FSTL4: variants seen among roughly 807,000 people sequenced by gnomAD.
FSTL4 encodes follistatin-related protein 4.
A neutral mutation model predicts 78.2 loss-of-function variants in FSTL4; 28 were observed. The ratio of observed to expected loss-of-function variants is 0.36; its 90% CI spans 0.27 to 0.49. The LOEUF is 0.49. FSTL4 is among the 20% of genes least tolerant of loss of function. The pLI, the probability that FSTL4 is intolerant of heterozygous loss-of-function variation, is 0.98. For missense variants in FSTL4, 922 were observed against 1,084.9 expected, an observed-to-expected ratio of 0.85 and a Z score of 2.11; for synonymous variants, 422 against 440.5, an observed-to-expected ratio of 0.96 and a Z score of 0.53.
the FSTL4 span, among the ~76,000 whole-genome samples, chr5:133,752,899 G>C: frequency 6.6e-6 from 1 of 152,032 alleles, no homozygotes; most frequent in South Asian, 2.1e-4. Context: ...ATTTTCTTGC[G>C]CTCTGAGCCC....
chr5:133,569,669 T>A (rs1476064577), intron 2 of FSTL4, among the ~76,000 whole-genome samples: 1 of 152,220 alleles, frequency 6.6e-6, no homozygotes, highest in Non-Finnish European at 1.5e-5. Context: ...CTCTGGCATT[T>A]AAGGAGATAA....
intron 11 of FSTL4, among the ~76,000 whole-genome samples, chr5:133,223,857 A>C (rs1360269430): frequency 1.3e-5 from 2 of 152,200 alleles, no homozygotes; most frequent in African/African-American, 2.4e-5. Flanking sequence ...AAAACCACAC[A>C]AGATAGGCAA....
In FSTL4 at chr5:133,603,893, C is replaced by T. The variant is rs1409501536; in HGVS notation, c.91G>A (p.Gly31Ser). 5 of 1,614,182 alleles carry T rather than the reference C, an allele frequency of 3.1e-6. No homozygotes were observed. The highest frequency in any genetic ancestry group is 4.2e-6 in the Non-Finnish European group (5 of 1,180,002). ...LGWMDPGTSR[G>S]PDVGVGESQA... ...GACTCCCCCACACCCACATCCGGGCCTCTGCTGGTTCCTGGGTCCATCCAT... is the reference window on the plus strand; with the variant it reads ...GACTCCCCCACACCCACATCCGGGCTTCTGCTGGTTCCTGGGTCCATCCAT... The change falls in exon 2 of 16, where the codon GGC (glycine) becomes AGC (serine). Residue 31 changes from glycine to serine, a missense_variant. Gly to Ser is a moderately conservative substitution (Grantham distance 56). Transcript: ENST00000265342.
At position 133,227,711 on chromosome 5, in the gene FSTL4, G is replaced by A. The variant is rs577075979; in HGVS notation, c.1016-1892C>T. ...CTTAAAGAAAGAAGAAGAATCAATG[G>A]AGACAGAAGCATAAATGAATGAATC... On this transcript the variant is annotated intron_variant, in intron 8 of 15. Transcript: ENST00000265342. Among the ~76,000 whole-genome samples the A allele has an allele frequency of 1.9e-3, 291 of 152,238 alleles. 2 individuals are homozygous for A. Among genetic ancestry groups the A allele is most frequent in the African/African-American group, 6.4e-3 (267 of 41,542 alleles).
intron 3 of FSTL4, chr5:133,427,529 C>T (rs1756846173): frequency 2.1e-6 from 1 of 469,426 alleles, no homozygotes; most frequent in Non-Finnish European, 4.6e-6. Flanking sequence ...CTACACAACA[C>T]AGGCGGCTCT....
chr5:133,647,705 T>C, the FSTL4 span, among the ~76,000 whole-genome samples: 1 of 152,226 alleles, frequency 6.6e-6, no homozygotes, highest in East Asian at 1.9e-4. Flanking sequence ...AGAAATCCAT[T>C]CACTGTAGTC....
chr5:133,517,070 C>T (rs1056355585), intron 3 of FSTL4, among the ~76,000 whole-genome samples: 18 of 142,860 alleles, frequency 1.3e-4, no homozygotes, highest in Middle Eastern at 3.4e-3. Flanking sequence ...GAGTGAGACC[C>T]TGTCTCAAAA....
chr5:133,245,618 C>T (rs1290664377), intron 7 of FSTL4, among the ~76,000 whole-genome samples: 2 of 152,220 alleles, frequency 1.3e-5, no homozygotes, highest in Admixed American at 6.5e-5. Context: ...CTGGAGGCTG[C>T]GGACAGTGTC....
chr5:133,520,711 TC>T (rs1282770793), intron 3 of FSTL4, among the ~76,000 whole-genome samples: 1 of 152,118 alleles, frequency 6.6e-6, no homozygotes, highest in Non-Finnish European at 1.5e-5. Context: ...ACATATATCA[TC>T]CAGACACAGG....
the FSTL4 span, among the ~76,000 whole-genome samples, chr5:133,835,964 T>C: frequency 2.0e-5 from 3 of 152,216 alleles, no homozygotes; most frequent in Admixed American, 2.0e-4. Flanking sequence ...TGATTATTTT[T>C]ATCTCTGGTA....
chr5:133,600,388 C>T (rs911641514), intron 2 of FSTL4, among the ~76,000 whole-genome samples: 3 of 149,292 alleles, frequency 2.0e-5, no homozygotes, highest in East Asian at 2.0e-4. Context: ...GATGTAATCC[C>T]GTCATAAGTC....
chr5:133,536,037 T>C (rs1227308676), intron 3 of FSTL4, among the ~76,000 whole-genome samples: 2 of 152,182 alleles, frequency 1.3e-5, no homozygotes, highest in Non-Finnish European at 2.9e-5. Context: ...TCACACACAG[T>C]AGATCCTCTG....
chr5:133,606,401 T>G (rs181185633), intron 1 of FSTL4, among the ~76,000 whole-genome samples: 97 of 152,314 alleles, frequency 6.4e-4, no homozygotes, highest in African/African-American at 2.2e-3. Context: ...ATTATAGGAA[T>G]GAGCCACCAT....
chr5:133,595,278 G>T (rs1760716171), intron 2 of FSTL4, among the ~76,000 whole-genome samples: 1 of 152,190 alleles, frequency 6.6e-6, no homozygotes, highest in African/African-American at 2.4e-5. Flanking sequence ...AAGAAGATTT[G>T]AAACTGATGG....
intron 6 of FSTL4, among the ~76,000 whole-genome samples, chr5:133,311,408 C>T (rs897623288): frequency 2.0e-5 from 3 of 152,112 alleles, no homozygotes; most frequent in Non-Finnish European, 4.4e-5. Flanking sequence ...CTGGGGTGGA[C>T]TTTGGTACTA....
chr5:133,787,671 C>A, the FSTL4 span, among the ~76,000 whole-genome samples: 16 of 151,666 alleles, frequency 1.1e-4, 1 homozygote, highest in Non-Finnish European at 1.5e-5. Context: ...AACTCCAGGG[C>A]AAGCCAAAAC....
chr5:133,473,436 C>T (rs1203966519), intron 3 of FSTL4, among the ~76,000 whole-genome samples: 1 of 152,122 alleles, frequency 6.6e-6, no homozygotes, highest in African/African-American at 2.4e-5. Flanking sequence ...ACCAGTCATG[C>T]TTGACCCCGT....
intron 4 of FSTL4, among the ~76,000 whole-genome samples, chr5:133,362,643 A>G (rs555957501): frequency 2.4e-3 from 364 of 152,370 alleles, no homozygotes; most frequent in African/African-American, 8.5e-3. Flanking sequence ...GTGCCTGTGC[A>G]CATGGGAAGG....
chr5:133,279,094 T>C (rs1012114200), intron 6 of FSTL4, among the ~76,000 whole-genome samples: 11 of 152,246 alleles, frequency 7.2e-5, no homozygotes, highest in African/African-American at 2.7e-4. Flanking sequence ...TGTCAGTTTC[T>C]ATAGAGAAGT....
Sources: gnomAD v4.1 joint callset for allele counts (sites outside exome capture counted in the v4.1 genomes callset) on GRCh38, gnomAD v4.1.1 for gene constraint, MANE v1.5 for transcripts, NCBI Gene and HGNC (gene_info 2026-07-23, HGNC 2026-07-21) for gene names.